ZFPM2: variants seen among roughly 807,000 people sequenced by gnomAD.
The protein encoded by ZFPM2 is zinc finger protein ZFPM2.
ZFPM2 carries 20 observed loss-of-function variants against 98.6 expected under a neutral mutation model. The ratio of observed to expected loss-of-function variants is 0.20; its 90% CI spans 0.14 to 0.29. The LOEUF (loss-of-function observed/expected upper bound fraction) is 0.29. Ranked by LOEUF, ZFPM2 falls within the 10% of genes least tolerant of loss-of-function variation. The pLI is 1.00. For synonymous variants in ZFPM2, 518 were observed against 502.7 expected, an observed-to-expected ratio of 1.03 and a Z score of -0.41; for missense variants, 1,310 against 1,388.6, an observed-to-expected ratio of 0.94 and a Z score of 0.90.
At chr8:105,451,896 T>C (rs1389788615) in intron 3 of ZFPM2, 1 of 152,200 alleles carries the variant, frequency 6.6e-6, no homozygotes, top group Non-Finnish European at 1.5e-5. Context: ...AAATATTGTC[T>C]AAACCTATGA....
intron 5 of ZFPM2, among the ~76,000 whole-genome samples, chr8:105,718,717 G>T (rs1187011852): frequency 6.6e-6 from 1 of 151,522 alleles, no homozygotes; most frequent in South Asian, 2.1e-4. Context: ...TGATTCTGTC[G>T]TCAAAAGAAT....
chr8:105,675,061 C>A (rs1275765687), intron 5 of ZFPM2, among the ~76,000 whole-genome samples: 2 of 152,056 alleles, frequency 1.3e-5, no homozygotes, highest in African/African-American at 4.8e-5. Flanking sequence ...TGAGGTCAGG[C>A]AGGTAACTCA....
intron 5 of ZFPM2, among the ~76,000 whole-genome samples, chr8:105,638,711 T>G (rs914748410): frequency 3.9e-5 from 6 of 152,110 alleles, no homozygotes; most frequent in Non-Finnish European, 7.4e-5. Flanking sequence ...GGAGGCATGC[T>G]TGCTTCCTAA....
intron 5 of ZFPM2, among the ~76,000 whole-genome samples, chr8:105,750,252 AATAGTT>A (rs1474395644): frequency 6.6e-6 from 1 of 152,030 alleles, no homozygotes; most frequent in Non-Finnish European, 1.5e-5. Context: ...AATGGTTGCA[AATAGTT>A]ATCTGTCTTG....
At position 105,583,352 on chromosome 8, in the gene ZFPM2, G is replaced by GTGAT. The variant is rs1204778567; in HGVS notation, c.420+21874_420+21877dup. Among the ~76,000 whole-genome samples the GTGAT allele has an allele frequency of 9.9e-5, 15 of 151,834 alleles. No homozygotes were observed. The East Asian group carries it at 2.7e-3, about 27-fold the overall frequency. Reference sequence around the variant, plus strand: ...GTATTATATTTTTCCTAGTATCTGGGTGATTGTTTTTGCATAATGGGTGTG... The same window carrying GTGAT: ...GTATTATATTTTTCCTAGTATCTGGGTGATTGATTGTTTTTGCATAATGGGTGTG... On this transcript the variant is annotated intron_variant, in intron 4 of 7. Transcript: ENST00000407775.
Position 105,489,248 on chromosome 8 carries a change from TTC to T in ZFPM2, c.301+44871_301+44872del, listed in dbSNP as rs1214539578. Among the ~76,000 whole-genome samples, 3 of 151,946 alleles carry T rather than the reference TTC, an allele frequency of 2.0e-5. No homozygotes were observed. In the East Asian group the frequency reaches 5.8e-4, roughly 29 times the overall value. On this transcript the variant is annotated intron_variant, in intron 3 of 7. Coordinates refer to ENST00000407775, the MANE Select transcript of ZFPM2 (RefSeq NM_012082.4). ...TTAGAGAAAAATCCTGTGCTAAATATTCTCTATTTAGAAGAAATTTGCCAAAT... is the reference window on the plus strand; with the variant it reads ...TTAGAGAAAAATCCTGTGCTAAATATTCTATTTAGAAGAAATTTGCCAAAT...
chr8:105,505,301 A>G (rs1813677135), intron 3 of ZFPM2, among the ~76,000 whole-genome samples: 2 of 152,068 alleles, frequency 1.3e-5, no homozygotes, highest in Admixed American at 1.3e-4. Context: ...TAGTAATAGT[A>G]TTAATAGCAC....
At chr8:105,743,619 C>T (rs967836506) in intron 5 of ZFPM2, among the ~76,000 whole-genome samples, 1 of 152,002 alleles carries the variant, frequency 6.6e-6, no homozygotes, top group Non-Finnish European at 1.5e-5. Flanking sequence ...TCTTGACTCT[C>T]TTTGCCAAAC....
intron 3 of ZFPM2, among the ~76,000 whole-genome samples, chr8:105,545,007 T>G (rs1814661640): frequency 6.6e-6 from 1 of 152,158 alleles, no homozygotes; most frequent in East Asian, 1.9e-4. Context: ...AAAAATGTTA[T>G]TTTTTCCTGA....
At chr8:105,591,083 C>G (rs556232057) in intron 4 of ZFPM2, among the ~76,000 whole-genome samples, 1 of 151,988 alleles carries the variant, frequency 6.6e-6, no homozygotes. Context: ...CACTAAAGCT[C>G]GGAGCCTTAG....
intron 3 of ZFPM2, among the ~76,000 whole-genome samples, chr8:105,446,458 C>T (rs1236169242): frequency 2.0e-5 from 3 of 152,076 alleles, no homozygotes; most frequent in African/African-American, 7.2e-5. Context: ...ATGCCAAACA[C>T]ATGCTGTACA....
At chr8:105,510,891 C>T (rs1269446703) in intron 3 of ZFPM2, among the ~76,000 whole-genome samples, 1 of 152,202 alleles carries the variant, frequency 6.6e-6, no homozygotes, top group Non-Finnish European at 1.5e-5. Context: ...TTGAGAAAGT[C>T]TTAAAATATG....
intron 5 of ZFPM2, among the ~76,000 whole-genome samples, chr8:105,731,201 G>A (rs982902048): frequency 6.6e-6 from 1 of 151,698 alleles, no homozygotes; most frequent in African/African-American, 2.4e-5. Flanking sequence ...ATGAATTGTA[G>A]TGTGTTCTCC....
intron 3 of ZFPM2, among the ~76,000 whole-genome samples, chr8:105,460,751 T>C (rs1404846648): frequency 6.6e-6 from 1 of 151,536 alleles, no homozygotes; most frequent in African/African-American, 2.4e-5. Flanking sequence ...AGTTTTCTTA[T>C]GGTTATACAT....
intron 5 of ZFPM2, among the ~76,000 whole-genome samples, chr8:105,775,003 C>A (rs963142152): frequency 3.3e-5 from 5 of 151,388 alleles, no homozygotes; most frequent in African/African-American, 1.2e-4. Flanking sequence ...TCCACCCAGC[C>A]CTTCACTCTC....
intron 4 of ZFPM2, among the ~76,000 whole-genome samples, chr8:105,575,328 C>T (rs552559076): frequency 6.6e-6 from 1 of 152,136 alleles, no homozygotes; most frequent in Non-Finnish European, 1.5e-5. Context: ...CGTTGTATCA[C>T]CCCCCTCCCT....
chr8:105,324,079 A>G (rs1228995387), intron 1 of ZFPM2, among the ~76,000 whole-genome samples: 1 of 151,854 alleles, frequency 6.6e-6, no homozygotes, highest in Non-Finnish European at 1.5e-5. Flanking sequence ...CTTGCCATAT[A>G]TTAAGTTGGT....
intron 5 of ZFPM2, among the ~76,000 whole-genome samples, chr8:105,636,516 A>G (rs908072030): frequency 2.0e-5 from 3 of 152,150 alleles, no homozygotes; most frequent in African/African-American, 7.2e-5. Context: ...GATCATGAAT[A>G]TACAGTTTAT....
rs201942806 is a variant in ZFPM2, at chr8:105,580,819, C to CTATATATA, written c.420+19339_420+19340insATATATAT. Among the ~76,000 whole-genome samples, 21 of 115,038 alleles carry CTATATATA rather than the reference C, an allele frequency of 1.8e-4. No homozygotes were observed. In the South Asian group the frequency reaches 4.3e-3, roughly 24 times the overall value. 75.5% of individuals were successfully genotyped at this position (115,038 alleles called of 152,430 possible). A position where few individuals can be genotyped will look rare whatever the true frequency, so the allele number is the denominator to read the frequency against. On this transcript the variant is annotated intron_variant, in intron 4 of 7. Transcript: ENST00000407775. The stretch of plus-strand genomic sequence containing the variant: ...CATCATTCTCTCTCTCTCTCTCTCT[C>CTATATATA]TCTCTCTCTATATATATATATATAT...
Sources: allele counts gnomAD v4.1 joint callset (sites outside exome capture counted in the v4.1 genomes callset), GRCh38; gene constraint gnomAD v4.1.1; transcripts MANE v1.5; gene names NCBI Gene and HGNC (gene_info 2026-07-23, HGNC 2026-07-21).